Variants in ZNF26 observed in about 807,000 individuals in gnomAD.
ZNF26 encodes zinc finger protein 26, also known as epididymis luminal protein 179.
Under a neutral mutation model 54.9 loss-of-function variants are expected in ZNF26, and 32 were observed. The observed-to-expected ratio is 0.58, with a 90% confidence interval of 0.44 to 0.78. The LOEUF (loss-of-function observed/expected upper bound fraction) is 0.78. Ranked by LOEUF, ZNF26 falls within the 30% of genes least tolerant of loss-of-function variation. The probability of loss-of-function intolerance (pLI) is 0.00; values close to 1 mark genes in which losing one functional copy is unlikely to be tolerated. For missense variants in ZNF26, 524 were observed against 634.0 expected, an observed-to-expected ratio of 0.83 and a Z score of 1.86; for synonymous variants, 221 against 209.2, an observed-to-expected ratio of 1.06 and a Z score of -0.49.
chr12:133,017,880 G>C lies in ZNF26; in HGVS notation c.*6399G>C, dbSNP rs1017628128. 1.1e-4 allele frequency: 17 copies of C among 152,126 alleles called. No homozygotes were observed. Among genetic ancestry groups the C allele is most frequent in the African/African-American group, 2.4e-4 (10 of 41,408 alleles). 9.4% of individuals were successfully genotyped at this position (152,126 alleles called of 1,614,324 possible). A position where few individuals can be genotyped will look rare whatever the true frequency, so the allele number is the denominator to read the frequency against. On this transcript the variant is annotated 3_prime_UTR_variant, in exon 4 of 4. Transcript: ENST00000328654. ...AAAAATTAGCGGGGCGTGGTGGCGG[G>C]CGCCTGTAGTCCCAGCTACTCGGGA...
Position 133,011,457 on chromosome 12 carries a change from T to C in ZNF26, c.1578T>C (p.Arg526=), listed in dbSNP as rs1687598654. ...GKSFCWNSGL[R]IHRKTHK is the part of the protein sequence containing the mutation. ...CCTTCTGTTGGAATTCAGGGCTTCG[T>C]ATACATCGGAAGACTCATAAATGAG... The change falls in exon 4 of 4, where the codon CGT becomes CGC. Residue 526 remains arginine (R), a synonymous_variant. Coordinates refer to ENST00000328654, the MANE Select transcript of ZNF26 (RefSeq NM_019591.4). The C allele has an allele frequency of 6.4e-7, 1 of 1,568,690 alleles. No individual in the cohort carries two copies. Among genetic ancestry groups the C allele is most frequent in the Non-Finnish European group, 8.6e-7 (1 of 1,160,994 alleles).
intron 1 of ZNF26, among the ~76,000 whole-genome samples, chr12:133,000,695 A>G (rs1179568437): frequency 6.6e-6 from 1 of 152,036 alleles, no homozygotes; most frequent in Admixed American, 6.6e-5. Flanking sequence ...AAGTGCTAGG[A>G]TTACAGGTGT....
At chr12:132,990,218 G>A (rs2137209397) in intron 1 of ZNF26, among the ~76,000 whole-genome samples, 1 of 152,336 alleles carries the variant, frequency 6.6e-6, no homozygotes, top group African/African-American at 2.4e-5. Context: ...AGCCTGGGAG[G>A]TTGAGGCTGC....
chr12:132,996,623 C>G (rs1953090581), intron 1 of ZNF26, among the ~76,000 whole-genome samples: 1 of 152,196 alleles, frequency 6.6e-6, no homozygotes, highest in Non-Finnish European at 1.5e-5. Context: ...AAATTAATAT[C>G]TTTGCCATGT....
At chr12:133,006,783 C>G in intron 1 of ZNF26, 1 of 360,886 alleles carries the variant, frequency 2.8e-6, no homozygotes, top group South Asian at 3.7e-5. Flanking sequence ...TTAGTAGAGA[C>G]AGGGTTTCAC....
chr12:133,002,235 C>T (rs1180996652), intron 1 of ZNF26, among the ~76,000 whole-genome samples: 1 of 152,192 alleles, frequency 6.6e-6, no homozygotes, highest in African/African-American at 2.4e-5. Flanking sequence ...CCTGGCCCCC[C>T]TTCTGTCTCT....
chr12:133,000,196 G>A (rs1188770405), intron 1 of ZNF26, among the ~76,000 whole-genome samples: 2 of 151,844 alleles, frequency 1.3e-5, no homozygotes, highest in South Asian at 2.1e-4. Context: ...TTTTGATCAT[G>A]CTAGGTCAAT....
intron 1 of ZNF26, among the ~76,000 whole-genome samples, chr12:132,987,205 A>G (rs1290359697): frequency 6.6e-6 from 1 of 152,222 alleles, no homozygotes; most frequent in African/African-American, 2.4e-5. Context: ...AGAAATGATC[A>G]GTTCCTCCTT....
chr12:132,987,753 C>A, intron 1 of ZNF26: 8 of 984,864 alleles, frequency 8.1e-6, no homozygotes, highest in Non-Finnish European at 9.6e-6. Context: ...CAACTGGAAC[C>A]CTCAAGAGGA....
At position 133,010,791 on chromosome 12, in the gene ZNF26, C is replaced by T; in HGVS notation, c.912C>T (p.His304=). 6.2e-7 allele frequency: 1 copy of T among 1,613,644 alleles called. No homozygotes were observed. Among genetic ancestry groups the T allele is most frequent in the African/African-American group, 1.3e-5 (1 of 74,884 alleles). Residue 304 remains histidine, a synonymous_variant, in exon 4 of 4, where the codon CAC becomes CAT. Transcript: ENST00000328654. ...GTTTGAAGTCTCCATTCGTTGTACA[C>T]CAGAGAACTCATACAGGAGTGAAAC... ...AFSLKSPFVV[H]QRTHTGVKPH... is the part of the protein sequence containing the mutation.
intron 1 of ZNF26, among the ~76,000 whole-genome samples, chr12:133,002,303 C>T (rs11611755): frequency 0.26 from 39,702 of 151,954 alleles, 6,228 homozygotes; most frequent in Middle Eastern, 0.39. Flanking sequence ...ACAGGATGCC[C>T]AGAATCCAGC....
chr12:133,009,363 C>G (rs61953677), intron 3 of ZNF26, among the ~76,000 whole-genome samples: 1 of 152,012 alleles, frequency 6.6e-6, no homozygotes, highest in Non-Finnish European at 1.5e-5. Context: ...GAGGCCAAGG[C>G]GGGCGGATCG....
chr12:132,997,006 T>G (rs1953100001), intron 1 of ZNF26, among the ~76,000 whole-genome samples: 1 of 152,228 alleles, frequency 6.6e-6, no homozygotes, highest in Non-Finnish European at 1.5e-5. Context: ...GGTGGATCCC[T>G]GCACCATTAC....
rs1372875118 is a variant in ZNF26, at chr12:133,006,880, G to C, written c.34-162G>C. The C allele has an allele frequency of 3.2e-6, 3 of 947,020 alleles. No individual in the cohort carries two copies. The African/African-American group carries it at 4.9e-5, about 15-fold the overall frequency. The allele number at this position is 947,020 out of a possible 1,614,324, so 58.7% of individuals were successfully genotyped here. ...AGTGCTGGCGTGAGCCACCGTGCCT[G>C]GCACTCCTTGATTGATTTTTAATTC... is the stretch of plus-strand genomic sequence containing the variant. On this transcript the variant is annotated intron_variant, in intron 1 of 3. Coordinates refer to ENST00000328654, the MANE Select transcript of ZNF26 (RefSeq NM_019591.4).
At chr12:132,998,296 A>G (rs1953135971) in intron 1 of ZNF26, among the ~76,000 whole-genome samples, 1 of 151,810 alleles carries the variant, frequency 6.6e-6, no homozygotes, top group South Asian at 2.1e-4. Flanking sequence ...CCTCCTGAGT[A>G]GCTGGGATTA....
At chr12:132,991,634 A>AC (rs369562237) in intron 1 of ZNF26, among the ~76,000 whole-genome samples, 33,410 of 97,724 alleles carry the variant, frequency 0.34, 4,233 homozygotes, top group South Asian at 0.44. Context: ...CAACAACAAA[A>AC]AAAAAAAAAA....
chr12:133,007,339 T>C (rs775006912), intron 2 of ZNF26, 98 bp from the exon 3 acceptor site: 218 of 1,320,624 alleles, frequency 1.7e-4, no homozygotes, highest in Non-Finnish European at 2.2e-4. Context: ...TTGTAATCTT[T>C]CCCCAAGTGA....
Position 133,025,836 on chromosome 12 carries a change from G to C in ZNF26, c.*14355G>C, listed in dbSNP as rs1204647432. The C allele has an allele frequency of 6.6e-6, 1 of 152,318 alleles. No individual in the cohort carries two copies. The highest frequency in any genetic ancestry group is 1.9e-4 in the East Asian group (1 of 5,176). The allele number at this position is 152,318 out of a possible 1,614,324, so 9.4% of individuals were successfully genotyped here. ...GAAGCTGTGTAACTTCCAAAGCTAG[G>C]TCATAAAAGGTGATGCAGCTTCCAT... On this transcript the variant is annotated 3_prime_UTR_variant, in exon 4 of 4. Transcript: ENST00000328654.
rs1196206052 is a variant in ZNF26, at chr12:133,007,022, C to T, written c.34-20C>T. The T allele has an allele frequency of 1.4e-5, 22 of 1,613,422 alleles. No homozygotes were observed. Among genetic ancestry groups the T allele is most frequent in the Non-Finnish European group, 1.9e-5 (22 of 1,179,646 alleles). The stretch of plus-strand genomic sequence containing the variant: ...CCTAATGTAATTGCATCCAATTGAA[C>T]AGGGTGTGTGTTATTTCAGGGATTA... On this transcript the variant is annotated intron_variant, in intron 1 of 3. Coordinates refer to ENST00000328654, the MANE Select transcript of ZNF26 (RefSeq NM_019591.4).
Sources: gnomAD v4.1 joint callset for allele counts (sites outside exome capture counted in the v4.1 genomes callset) on GRCh38, gnomAD v4.1.1 for gene constraint, MANE v1.5 for transcripts, NCBI Gene and HGNC (gene_info 2026-07-23, HGNC 2026-07-21) for gene names.